CADM2: variants seen among roughly 807,000 people sequenced by gnomAD.
The protein encoded by CADM2 is immunoglobulin superfamily member 4D.
CADM2 carries 12 observed loss-of-function variants against 49.8 expected under a neutral mutation model. That is an observed-to-expected ratio of 0.24 (90% CI 0.15 to 0.39). The LOEUF (loss-of-function observed/expected upper bound fraction) is 0.39, where lower values mean the gene tolerates loss of function less well. Among genes scored for constraint, CADM2 ranks in the 10% least tolerant of loss-of-function variants. The probability of loss-of-function intolerance (pLI) is 1.00; values close to 1 mark genes in which losing one functional copy is unlikely to be tolerated. For missense variants in CADM2, 378 were observed against 492.3 expected (o/e 0.77, Z 2.20); for synonymous variants, 214 against 175.4 (o/e 1.22, Z -1.74).
At chr3:85,898,142 CAA>C (rs1159940472) in intron 5 of CADM2, among the ~76,000 whole-genome samples, 1 of 151,984 alleles carries the variant, frequency 6.6e-6, no homozygotes, top group Non-Finnish European at 1.5e-5. Flanking sequence ...AAGACTCAGG[CAA>C]TACTAGGAGA....
Position 85,445,131 on chromosome 3 carries a change from C to T in CADM2, c.62-281391C>T, listed in dbSNP as rs1362970302. ...GTTTTTGATATCTTCGTTTTGTTGA[C>T]GAGTAAACCGAAACTTAGGGAATTT... On this transcript the variant is annotated intron_variant, in intron 1 of 9. Transcript: ENST00000383699. 3.9e-5 allele frequency among the ~76,000 whole-genome samples: 6 copies of T among 151,952 alleles called. No homozygotes were observed. The South Asian group carries it at 8.3e-4, about 21-fold the overall frequency.
At chr3:85,832,850 G>A (rs1462877339) in intron 3 of CADM2, among the ~76,000 whole-genome samples, 4 of 151,912 alleles carry the variant, frequency 2.6e-5, no homozygotes, top group Non-Finnish European at 4.4e-5. Context: ...TGTTGAATAG[G>A]AGTGGTGAGA....
chr3:85,287,850 A>C (rs1441309600), intron 1 of CADM2, among the ~76,000 whole-genome samples: 2 of 151,910 alleles, frequency 1.3e-5, no homozygotes, highest in African/African-American at 4.8e-5. Flanking sequence ...CGCAAGGACC[A>C]AAAACCAAAC....
At chr3:85,112,648 T>G (rs1210295997) in intron 1 of CADM2, among the ~76,000 whole-genome samples, 2 of 151,840 alleles carry the variant, frequency 1.3e-5, no homozygotes, top group African/African-American at 4.8e-5. Context: ...TCTGAAAATT[T>G]CTATTCCAAA....
intron 1 of CADM2, among the ~76,000 whole-genome samples, chr3:85,590,088 C>T (rs2063061914): frequency 6.6e-6 from 1 of 151,868 alleles, no homozygotes; most frequent in Admixed American, 6.6e-5. Flanking sequence ...GCAATGAAGC[C>T]ATCAGCTTGC....
intron 1 of CADM2, among the ~76,000 whole-genome samples, chr3:85,079,857 C>T (rs12490315): frequency 0.084 from 12,715 of 151,622 alleles, 1,047 homozygotes; most frequent in Admixed American, 0.25. Context: ...AAACCATGAA[C>T]GCAAAATAAA....
At chr3:85,463,952 C>T (rs1469055956) in intron 1 of CADM2, among the ~76,000 whole-genome samples, 2 of 152,056 alleles carry the variant, frequency 1.3e-5, no homozygotes, top group African/African-American at 4.8e-5. Context: ...TGATATTCGA[C>T]CCAAATTTAA....
chr3:85,945,592 G>C (rs1722568501), intron 7 of CADM2, among the ~76,000 whole-genome samples: 1 of 152,124 alleles, frequency 6.6e-6, no homozygotes, highest in Non-Finnish European at 1.5e-5. Flanking sequence ...GATCAAGTGG[G>C]CTTCATCCCT....
chr3:85,338,068 A>G (rs1022317071), intron 1 of CADM2, among the ~76,000 whole-genome samples: 2 of 151,690 alleles, frequency 1.3e-5, no homozygotes, highest in African/African-American at 4.8e-5. Flanking sequence ...AGATCTATTA[A>G]CAGATGCCTG....
chr3:85,260,571 G>A (rs2107888585), intron 1 of CADM2, among the ~76,000 whole-genome samples: 1 of 152,268 alleles, frequency 6.6e-6, no homozygotes, highest in East Asian at 1.9e-4. Context: ...AGTACTCCAT[G>A]AAATACATGG....
chr3:85,883,764 A>G (rs1347546977), intron 4 of CADM2, among the ~76,000 whole-genome samples: 2 of 152,186 alleles, frequency 1.3e-5, no homozygotes, highest in South Asian at 2.1e-4. Context: ...TGTTGTATAT[A>G]TTCTGATCCT....
At chr3:85,489,523 A>G (rs1337189201) in intron 1 of CADM2, among the ~76,000 whole-genome samples, 1 of 152,162 alleles carries the variant, frequency 6.6e-6, no homozygotes, top group East Asian at 1.9e-4. Flanking sequence ...ATACATGAAC[A>G]TTAATAATCT....
chr3:85,786,714 C>A (rs1363861114), intron 2 of CADM2, among the ~76,000 whole-genome samples: 3 of 151,972 alleles, frequency 2.0e-5, no homozygotes, highest in Admixed American at 6.6e-5. Flanking sequence ...CCCACCATGT[C>A]TAAGGCAGTA....
chr3:85,098,857 C>G (rs2037905119), intron 1 of CADM2, among the ~76,000 whole-genome samples: 1 of 152,160 alleles, frequency 6.6e-6, no homozygotes. Flanking sequence ...GCAGTTCAAA[C>G]CTGAGTTGTT....
intron 2 of CADM2, among the ~76,000 whole-genome samples, chr3:85,765,382 T>C (rs941063094): frequency 2.6e-5 from 4 of 152,112 alleles, no homozygotes; most frequent in Non-Finnish European, 5.9e-5. Context: ...GTAATCCTCA[T>C]ATTAAGTACA....
At chr3:85,566,331 A>AT (rs1006053502) in intron 1 of CADM2, among the ~76,000 whole-genome samples, 116 of 150,060 alleles carry the variant, frequency 7.7e-4, no homozygotes, top group Non-Finnish European at 9.1e-4. Context: ...ACTTTAAGTG[A>AT]TTTTTTTTTT....
intron 5 of CADM2, among the ~76,000 whole-genome samples, chr3:85,898,955 A>ATATATATATATATATATATATATAT (rs1475991339): frequency 2.9e-5 from 1 of 33,908 alleles, no homozygotes; most frequent in African/African-American, 1.5e-4. Flanking sequence ...ATATATATAT[A>ATATATATATATATATATATATATAT]TTTTTTTTTT....
intron 1 of CADM2, among the ~76,000 whole-genome samples, chr3:85,382,905 C>G (rs2033984365): frequency 6.6e-6 from 1 of 152,154 alleles, no homozygotes; most frequent in East Asian, 1.9e-4. Flanking sequence ...GCTGTTAAAT[C>G]AAACTAAATA....
chr3:85,474,840 A>G (rs753775962), intron 1 of CADM2, among the ~76,000 whole-genome samples: 4 of 151,838 alleles, frequency 2.6e-5, no homozygotes, highest in South Asian at 2.1e-4. Flanking sequence ...GACAGAGCTT[A>G]TATGTGCCAT....
Sources: gnomAD v4.1 joint callset for allele counts (sites outside exome capture counted in the v4.1 genomes callset) on GRCh38, gnomAD v4.1.1 for gene constraint, MANE v1.5 for transcripts, NCBI Gene and HGNC (gene_info 2026-07-23, HGNC 2026-07-21) for gene names.